CLUL1: variants seen among roughly 807,000 people sequenced by gnomAD.
CLUL1 encodes clusterin-like protein 1.
CLUL1 carries 43 observed loss-of-function variants against 49.4 expected under a neutral mutation model. The observed-to-expected ratio is 0.87, with a 90% CI of 0.68 to 1.12. The LOEUF is 1.12. Ranked by LOEUF, CLUL1 falls within the 50% of genes most tolerant of loss-of-function variation. The pLI, the probability that CLUL1 is intolerant of heterozygous loss-of-function variation, is 0.00. For synonymous variants in CLUL1, 192 were observed against 184.9 expected, an observed-to-expected ratio of 1.04 and a Z score of -0.31; for missense variants, 486 against 544.4, an observed-to-expected ratio of 0.89 and a Z score of 1.07.
intron 4 of CLUL1, among the ~76,000 whole-genome samples, chr18:621,307 G>T (rs530000753): frequency 6.6e-6 from 1 of 152,206 alleles, no homozygotes; most frequent in Non-Finnish European, 1.5e-5. Flanking sequence ...GAGGATCATG[G>T]CCTCTGGGAG....
chr18:616,326 T>C (rs1787822307), intron 2 of CLUL1, among the ~76,000 whole-genome samples: 1 of 152,162 alleles, frequency 6.6e-6, no homozygotes, highest in Admixed American at 6.5e-5. Flanking sequence ...AGATGCCACA[T>C]GACTGTGTAA....
At chr18:616,728 G>A in intron 2 of CLUL1, 1 of 983,814 alleles carries the variant, frequency 1.0e-6, no homozygotes, top group Non-Finnish European at 1.2e-6. Context: ...CCAGAAGCTG[G>A]TGGCAACTTC....
At chr18:631,100 A>G (rs1264776359) in intron 6 of CLUL1, among the ~76,000 whole-genome samples, 1 of 152,198 alleles carries the variant, frequency 6.6e-6, no homozygotes, top group East Asian at 1.9e-4. Context: ...CCAAAATTAG[A>G]AAAATAGCTA....
rs2073829875 is a variant in CLUL1 at position 627,095 on chromosome 18, A to G, written c.424-2A>G. The G allele has an allele frequency of 6.2e-7, 1 of 1,600,130 alleles. No individual in the cohort carries two copies. Among genetic ancestry groups the G allele is most frequent in the Non-Finnish European group, 8.6e-7 (1 of 1,168,452 alleles). ...ATTTCTGTCCCCTACTCTACTCCAC[A>G]GATTGAACGGTTTTTCAGGAAGATA... On this transcript the variant is annotated splice_acceptor_variant, in intron 5 of 9. Coordinates refer to ENST00000692774, the MANE Select transcript of CLUL1 (RefSeq NM_001393344.1). LOFTEE classifies it high-confidence loss of function.
At chr18:602,228 A>G (rs1014062731) in intron 1 of CLUL1, among the ~76,000 whole-genome samples, 3 of 152,238 alleles carry the variant, frequency 2.0e-5, no homozygotes, top group Non-Finnish European at 2.9e-5. Context: ...GTGGGGCTAC[A>G]GGGATGAAAG....
intron 7 of CLUL1, among the ~76,000 whole-genome samples, chr18:635,357 C>G (rs560822525): frequency 2.0e-5 from 3 of 152,122 alleles, no homozygotes; most frequent in African/African-American, 7.2e-5. Flanking sequence ...GGAATGCCTC[C>G]GCTGATCTGA....
intron 5 of CLUL1, among the ~76,000 whole-genome samples, chr18:626,843 A>C (rs2073729162): frequency 7.2e-6 from 1 of 139,104 alleles, no homozygotes; most frequent in Non-Finnish European, 1.5e-5. Flanking sequence ...CCTGAGTGAC[A>C]GAGCAAGACT....
At chr18:600,035 G>C (rs2072779887) in intron 1 of CLUL1, among the ~76,000 whole-genome samples, 1 of 152,088 alleles carries the variant, frequency 6.6e-6, no homozygotes, top group African/African-American at 2.4e-5. Context: ...GCTGATGATA[G>C]TTTTGGTGAC....
intron 1 of CLUL1, chr18:598,554 G>T (rs2072725393): frequency 2.5e-6 from 1 of 398,486 alleles, no homozygotes; most frequent in African/African-American, 2.1e-5. Context: ...GGGAACAGAA[G>T]TACCTCTCTT....
Position 618,856 on chromosome 18 carries a change from G to A in CLUL1, c.107-357G>A, listed in dbSNP as rs983706556. Among the ~76,000 whole-genome samples, 1 of 151,904 alleles carries A rather than the reference G, an allele frequency of 6.6e-6. No individual in the cohort carries two copies. The highest frequency in any genetic ancestry group is 2.4e-5 in the African/African-American group (1 of 41,342). On this transcript the variant is annotated intron_variant, in intron 3 of 9. Coordinates refer to ENST00000692774, the MANE Select transcript of CLUL1 (RefSeq NM_001393344.1). This position sits in a 1 kb window ranked among gnomAD's most constrained non-coding sequence, Gnocchi z 4.2. ...CTGACTGTGTTTGAGGTCCCCAGCT[G>A]GGCACTTAATATAAATTATGAAGAA...
chr18:636,863 G>C (rs1237187365), intron 7 of CLUL1, among the ~76,000 whole-genome samples: 1 of 152,074 alleles, frequency 6.6e-6, no homozygotes, highest in African/African-American at 2.4e-5. Context: ...CTGACCTCAA[G>C]TGATTTGCCT....
chr18:627,779 G>C (rs1486489266), intron 6 of CLUL1, among the ~76,000 whole-genome samples: 1 of 151,224 alleles, frequency 6.6e-6, no homozygotes, highest in East Asian at 1.9e-4. Context: ...ATGCTAATAG[G>C]TTGAGAACTT....
chr18:597,187 G>C (rs1285887436), intron 1 of CLUL1, 58 bp downstream of exon 1: 1 of 152,946 alleles, frequency 6.5e-6, no homozygotes, highest in African/African-American at 2.4e-5. Context: ...CCATTTCTCC[G>C]GAGAGCCAGA....
At chr18:635,836 A>T (rs111420675) in intron 7 of CLUL1, among the ~76,000 whole-genome samples, 16,905 of 152,136 alleles carry the variant, frequency 0.11, 1,190 homozygotes, top group African/African-American at 0.19. Context: ...TCCTGAGTTC[A>T]AGCGATTCTG....
chr18:634,461 A>G (rs2074085458), intron 7 of CLUL1, among the ~76,000 whole-genome samples: 1 of 152,070 alleles, frequency 6.6e-6, no homozygotes, highest in Admixed American at 6.5e-5. Flanking sequence ...ATTCCAAAGT[A>G]TGTCATTCTT....
At chr18:599,233 A>T (rs575003542) in intron 1 of CLUL1, among the ~76,000 whole-genome samples, 73 of 152,218 alleles carry the variant, frequency 4.8e-4, no homozygotes, top group Non-Finnish European at 8.5e-4. Flanking sequence ...TAAGGTAATT[A>T]TGTGATGTTG....
chr18:622,348 G>A (rs568155252), intron 4 of CLUL1, among the ~76,000 whole-genome samples: 1 of 152,250 alleles, frequency 6.6e-6, no homozygotes, highest in East Asian at 1.9e-4. Context: ...AATGAAATGG[G>A]GTCTTGCTAT....
chr18:633,869 T>TGGAGCATGTAATCGGAATGAATCAGGGC (rs2074065186), intron 7 of CLUL1, among the ~76,000 whole-genome samples: 3 of 107,400 alleles, frequency 2.8e-5, no homozygotes, highest in Admixed American at 2.6e-4. Context: ...TGAATCAGGG[T>TGGAGCATGTAATCGGAATGAATCAGGGC]GGAGCGTGTA....
rs765667344 is a variant in CLUL1 at position 624,972 on chromosome 18, A to G, written c.363A>G (p.Glu121=). The change falls in exon 5 of 10, where the codon GAA becomes GAG. Residue 121 remains glutamate, a synonymous_variant. Coordinates refer to ENST00000692774, the MANE Select transcript of CLUL1 (RefSeq NM_001393344.1). ...GGGGTGAATGCAGGTCTTGCCTGGAAAATAACTGCATGAGAATTTATACAA... is the reference window on the plus strand; with the variant it reads ...GGGGTGAATGCAGGTCTTGCCTGGAGAATAACTGCATGAGAATTTATACAA... ...DSWGECRSCL[E]NNCMRIYTTC... is the part of the protein sequence containing the mutation. 4 of 1,614,178 alleles carry G rather than the reference A, an allele frequency of 2.5e-6. No individual in the cohort carries two copies. In the South Asian group the frequency reaches 4.4e-5, roughly 18 times the overall value.
Sources: allele counts gnomAD v4.1 joint callset (sites outside exome capture counted in the v4.1 genomes callset), GRCh38; gene constraint gnomAD v4.1.1; non-coding constraint Gnocchi (gnomAD v3.1); transcripts MANE v1.5; gene names NCBI Gene and HGNC (gene_info 2026-07-23, HGNC 2026-07-21).